The following SGK2 variants were observed in gnomAD, a reference collection of about 807,000 sequenced individuals.
SGK2 encodes serine/threonine-protein kinase Sgk2.
In SGK2, 36 loss-of-function variants were observed where a neutral mutation model predicts 47.5. The ratio of observed to expected loss-of-function variants is 0.76; its 90% CI spans 0.58 to 1.00. The LOEUF (loss-of-function observed/expected upper bound fraction) is 1.00, where lower values mean the gene tolerates loss of function less well. Ranked by LOEUF, SGK2 falls within the 50% of genes least tolerant of loss-of-function variation. SGK2 has a pLI of 0.00. For missense variants in SGK2, 404 were observed against 467.4 expected, an observed-to-expected ratio of 0.86 and a Z score of 1.25; for synonymous variants, 157 against 181.9, an observed-to-expected ratio of 0.86 and a Z score of 1.10.
chr20:43,572,540 G>A lies in SGK2; in HGVS notation c.597+403G>A, dbSNP rs185611302. 1.3e-4 allele frequency among the ~76,000 whole-genome samples: 20 copies of A among 152,238 alleles called. No individual in the cohort carries two copies. The highest frequency in any genetic ancestry group is 2.4e-4 in the African/African-American group (10 of 41,524). On this transcript the variant is annotated intron_variant, in intron 9 of 12. Coordinates refer to ENST00000373100, the MANE Select transcript of SGK2 (RefSeq NM_170693.3). This position sits in a 1 kb window ranked among gnomAD's most constrained non-coding sequence, Gnocchi z 4.2. Reference sequence around the variant, plus strand: ...AAAATACAAAAAATTAGCTGGGCACGGTGACGGGCACCTATAGTCCCAGCT... The same window carrying A: ...AAAATACAAAAAATTAGCTGGGCACAGTGACGGGCACCTATAGTCCCAGCT...
chr20:43,573,872 A>G (rs1292384818), intron 9 of SGK2, among the ~76,000 whole-genome samples: 1 of 152,158 alleles, frequency 6.6e-6, no homozygotes, highest in African/African-American at 2.4e-5. Context: ...GGACGGGAAC[A>G]AAGGATATGG....
rs1200362079 is a variant in SGK2 at position 43,571,000 on chromosome 20, G to GC, written c.474-23dup. 3 of 1,611,924 alleles carry GC rather than the reference G, an allele frequency of 1.9e-6. No individual in the cohort carries two copies. In the African/African-American group the frequency reaches 4.0e-5, roughly 22 times the overall value. On this transcript the variant is annotated intron_variant, in intron 7 of 12. Transcript: ENST00000373100. ...CACTAAATGGCTGAGACACCTCAAG[G>GC]CTGTTTTCTCTTATTTTCTGCAGGG...
In SGK2 at chr20:43,576,372, C is replaced by T. The variant is rs1200148764; in HGVS notation, c.842C>T (p.Ala281Val). The change falls in exon 11 of 13, where the codon GCA becomes GTA. Residue 281 changes from alanine (A) to valine (V), a missense_variant. Transcript: ENST00000373100. ...KDQRQRLGSK[A>V]DFLEIKNHVF... ...CAGAGGCAGCGGCTGGGCTCCAAAG[C>T]AGACTTTGTAGGTGACCTACCAGTG... is the stretch of plus-strand genomic sequence containing the variant. The T allele has an allele frequency of 6.2e-7, 1 of 1,613,980 alleles. No homozygotes were observed. Among genetic ancestry groups the T allele is most frequent in the Admixed American group, 1.7e-5 (1 of 60,000 alleles).
At chr20:43,570,308 A>T (rs576602797) in intron 6 of SGK2, among the ~76,000 whole-genome samples, 3 of 152,144 alleles carry the variant, frequency 2.0e-5, no homozygotes, top group Non-Finnish European at 4.4e-5. Context: ...TTCCTCTTAC[A>T]TGAAACTAGC....
chr20:43,571,976 TG>T, intron 8 of SGK2, 74 bp from the exon 9 acceptor site: 1 of 1,071,918 alleles, frequency 9.3e-7, no homozygotes, highest in Non-Finnish European at 1.4e-6. Flanking sequence ...GTGTGGCATC[TG>T]GGCTTTGGGG....
In SGK2 at chr20:43,578,256, G is replaced by A. The variant is rs552289341; in HGVS notation, c.850-1716G>A. On this transcript the variant is annotated intron_variant, in intron 11 of 12. Transcript: ENST00000373100. ...TCCCACCACTTTGGGAGGCCAAGGC[G>A]GGCGGATCACCTGAGGTCAGGAGTT... Among the ~76,000 whole-genome samples the A allele has an allele frequency of 3.3e-5, 5 of 152,202 alleles. 1 individual carries two copies. In the South Asian group the frequency reaches 1.0e-3, roughly 32 times the overall value.
At position 43,581,978 on chromosome 20, in the gene SGK2, G is replaced by A. The variant is rs189024359; in HGVS notation, c.939+1917G>A. Among the ~76,000 whole-genome samples the A allele has an allele frequency of 6.5e-3, 992 of 152,326 alleles. 9 individuals are homozygous for A. The highest frequency in any genetic ancestry group is 9.9e-3 in the Non-Finnish European group (675 of 68,024). ...GTTTTTTACTTTGCAAATTTGGTAA[G>A]TAAAAAACAGCATCTCTTAATTGTT... On this transcript the variant is annotated intron_variant, in intron 12 of 12. Transcript: ENST00000373100.
In SGK2 at chr20:43,581,333, C is replaced by A. The variant is rs115924252; in HGVS notation, c.939+1272C>A. Among the ~76,000 whole-genome samples the A allele has an allele frequency of 5.7e-3, 860 of 152,148 alleles. 6 individuals are homozygous for A. Among genetic ancestry groups the A allele is most frequent in the African/African-American group, 0.02 (820 of 41,510 alleles). ...ATTTTATAAATACAATTTTTAGTGGCTGCATAATATTTCCATCTTATGTTG... is the reference window on the plus strand; with the variant it reads ...ATTTTATAAATACAATTTTTAGTGGATGCATAATATTTCCATCTTATGTTG... On this transcript the variant is annotated intron_variant, in intron 12 of 12. Transcript: ENST00000373100.
chr20:43,576,182 T>C (rs750686479), intron 10 of SGK2, 42 bp from the exon 11 acceptor site: 5 of 1,603,988 alleles, frequency 3.1e-6, no homozygotes, highest in Non-Finnish European at 2.6e-6. Flanking sequence ...CTGTGTTCAC[T>C]TTGCATGGGT....
rs1555797769 is a variant in SGK2 at position 43,571,064 on chromosome 20, G to GGGGTGTGT, written c.510+5_510+6insGGTGTGTG. On this transcript the variant is annotated splice_donor_region_variant and intron_variant, in intron 8 of 12. Transcript: ENST00000373100. The stretch of plus-strand genomic sequence containing the variant: ...GAACATTCTCTTGGACTGCCAGGTT[G>GGGGTGTGT]GTGTGTGTGTGTGTGTGTGTGTGTG... The GGGGTGTGT allele has an allele frequency of 7.7e-7, 1 of 1,299,508 alleles. No individual in the cohort carries two copies. The highest frequency in any genetic ancestry group is 1.9e-5 in the Admixed American group (1 of 51,824). 80.5% of individuals were successfully genotyped at this position (1,299,508 alleles called of 1,614,324 possible).
At chr20:43,578,978 A>G (rs138950982) in intron 11 of SGK2, among the ~76,000 whole-genome samples, 16 of 151,548 alleles carry the variant, frequency 1.1e-4, no homozygotes, top group African/African-American at 3.9e-4. Context: ...GAGGCAACCA[A>G]TGTTACCAAT....
In SGK2 at chr20:43,576,280, G is replaced by T. The variant is rs748670130; in HGVS notation, c.750G>T (p.Pro250=). ...TGTATGAGAACATTCTGCACCAGCCGCTACAGATCCCCGGAGGCCGGACAG... is the reference window on the plus strand; with the variant it reads ...TGTATGAGAACATTCTGCACCAGCCTCTACAGATCCCCGGAGGCCGGACAG... ...SQMYENILHQ[P]LQIPGGRTVA... is the part of the protein sequence containing the mutation. Residue 250 remains proline (P), a synonymous_variant, in exon 11 of 13, where the codon CCG becomes CCT. Coordinates refer to ENST00000373100, the MANE Select transcript of SGK2 (RefSeq NM_170693.3). 1.2e-6 allele frequency: 2 copies of T among 1,614,192 alleles called. No individual in the cohort carries two copies. The highest frequency in any genetic ancestry group is 1.3e-5 in the African/African-American group (1 of 75,062).
chr20:43,568,460 G>A (rs531306487), intron 5 of SGK2, among the ~76,000 whole-genome samples: 1 of 152,234 alleles, frequency 6.6e-6, no homozygotes, highest in Admixed American at 6.5e-5. Context: ...AGAGGCATGA[G>A]CTACATGCAC....
intron 11 of SGK2, among the ~76,000 whole-genome samples, chr20:43,576,961 A>T (rs1258443348): frequency 6.6e-6 from 1 of 152,214 alleles, no homozygotes; most frequent in Non-Finnish European, 1.5e-5. Flanking sequence ...AAACAAAAAA[A>T]GTTTGGGATT....
Position 43,559,043 on chromosome 20 carries a change from G to C in SGK2, c.-140G>C, listed in dbSNP as rs539288289. The C allele has an allele frequency of 6.6e-6, 1 of 152,460 alleles. No homozygotes were observed. The highest frequency in any genetic ancestry group is 6.5e-5 in the Admixed American group (1 of 15,306). 9.4% of individuals were successfully genotyped at this position (152,460 alleles called of 1,614,324 possible). A position where few individuals can be genotyped will look rare whatever the true frequency, so the allele number is the denominator to read the frequency against. Reference sequence around the variant, plus strand: ...TGACAGGTCATTCCTGACTGGGAAGGTTGCTTGACAAGTCAGGATTGTGCC... The same window carrying C: ...TGACAGGTCATTCCTGACTGGGAAGCTTGCTTGACAAGTCAGGATTGTGCC... On this transcript the variant is annotated 5_prime_UTR_variant, in exon 1 of 13. Coordinates refer to ENST00000373100, the MANE Select transcript of SGK2 (RefSeq NM_170693.3).
intron 5 of SGK2, among the ~76,000 whole-genome samples, chr20:43,568,800 A>G (rs1380009182): frequency 1.3e-5 from 2 of 152,140 alleles, no homozygotes; most frequent in African/African-American, 4.8e-5. Context: ...GCCTCAGCTG[A>G]CCTGAGTTCC....
At chr20:43,583,667 G>T in intron 12 of SGK2, 1 of 953,572 alleles carries the variant, frequency 1.0e-6, no homozygotes, top group Non-Finnish European at 1.2e-6. Context: ...AAGCTAGGTG[G>T]CTTAAAACAA....
In SGK2 at chr20:43,566,531, G is replaced by C. The variant is rs151094343; in HGVS notation, c.36G>C (p.Gln12His). ...NSSPAGTPSPQPSRANGNINL... is the reference protein window; with the variant it reads ...NSSPAGTPSPHPSRANGNINL... Reference sequence around the variant, plus strand: ...GCCCAGCTGGGACCCCAAGTCCACAGGTGAGTGGTTCTTGGTCCCCCACCC... The same window carrying C: ...GCCCAGCTGGGACCCCAAGTCCACACGTGAGTGGTTCTTGGTCCCCCACCC... The change falls in exon 2 of 13, where the codon CAG (glutamine) becomes CAC (histidine). Residue 12 changes from glutamine to histidine, a missense_variant and splice_region_variant. Physicochemically the swap from Gln to His is conservative, Grantham distance 24. Coordinates refer to ENST00000373100, the MANE Select transcript of SGK2 (RefSeq NM_170693.3). 1.9e-6 allele frequency: 3 copies of C among 1,608,894 alleles called. No individual in the cohort carries two copies. The highest frequency in any genetic ancestry group is 1.3e-5 in the African/African-American group (1 of 74,972).
At chr20:43,563,580 G>A (rs541842267) in intron 1 of SGK2, among the ~76,000 whole-genome samples, 104 of 152,320 alleles carry the variant, frequency 6.8e-4, no homozygotes, top group Non-Finnish European at 1.2e-3. Flanking sequence ...GAGTTTAGCT[G>A]AAAAGGGGTA....
Sources: allele counts gnomAD v4.1 joint callset (sites outside exome capture counted in the v4.1 genomes callset), GRCh38; gene constraint gnomAD v4.1.1; non-coding constraint Gnocchi (gnomAD v3.1); transcripts MANE v1.5; gene names NCBI Gene and HGNC (gene_info 2026-07-23, HGNC 2026-07-21).